Variants in FGD6 observed in about 807,000 individuals in gnomAD.
FGD6 encodes FYVE, RhoGEF and PH domain containing 6.
Under a neutral mutation model 149.4 loss-of-function variants are expected in FGD6, and 90 were observed. The ratio of observed to expected loss-of-function variants is 0.60; its 90% CI spans 0.51 to 0.72. FGD6 has a LOEUF of 0.72. Ranked by LOEUF, FGD6 falls within the 30% of genes least tolerant of loss-of-function variation. The pLI is 0.00. For missense variants in FGD6, 1,437 were observed against 1,684.8 expected (o/e 0.85, Z 2.57); for synonymous variants, 527 against 584.0 (o/e 0.90, Z 1.41).
intron 3 of FGD6, among the ~76,000 whole-genome samples, chr12:95,161,569 T>C (rs965067458): frequency 2.0e-5 from 3 of 152,202 alleles, no homozygotes; most frequent in Non-Finnish European, 4.4e-5. Flanking sequence ...TCCAGGCTTG[T>C]AGTCCTCAAA....
intron 13 of FGD6, among the ~76,000 whole-genome samples, chr12:95,106,529 C>T (rs962800154): frequency 4.6e-5 from 7 of 151,898 alleles, no homozygotes; most frequent in African/African-American, 9.7e-5. Context: ...TGTGATCCAC[C>T]GGCCTCAGCC....
At position 95,102,033 on chromosome 12, in the gene FGD6, G is replaced by A. The variant is rs183890824; in HGVS notation, c.3497+2974C>T. ...CCTCTATCCCTCAAAAACGAAAAAA[G>A]GGCTGAACACAATCCTGCCTGTAGC... On this transcript the variant is annotated intron_variant, in intron 14 of 20. Transcript: ENST00000343958. Among the ~76,000 whole-genome samples the A allele has an allele frequency of 4.5e-3, 665 of 148,176 alleles. 3 individuals carry two copies. Among genetic ancestry groups the A allele is most frequent in the Non-Finnish European group, 7.3e-3 (493 of 67,374 alleles).
chr12:95,145,203 G>T (rs1398790584), intron 5 of FGD6, among the ~76,000 whole-genome samples: 4 of 151,980 alleles, frequency 2.6e-5, no homozygotes, highest in Non-Finnish European at 5.9e-5. Context: ...TGGCCAGACT[G>T]GTTTTGAACT....
intron 19 of FGD6, 160 bp downstream of exon 19, chr12:95,085,620 G>A (rs956023281): frequency 9.6e-6 from 7 of 727,164 alleles, no homozygotes; most frequent in African/African-American, 7.3e-5. Context: ...TACAAAGCAA[G>A]AACACTGTTC....
At chr12:95,195,103 G>C (rs1881703852) in intron 2 of FGD6, among the ~76,000 whole-genome samples, 1 of 152,066 alleles carries the variant, frequency 6.6e-6, no homozygotes, top group Non-Finnish European at 1.5e-5. Context: ...TTCTATAAAA[G>C]TAAAATCTAT....
chr12:95,176,930 C>T (rs1467953770), intron 2 of FGD6, among the ~76,000 whole-genome samples: 2 of 152,126 alleles, frequency 1.3e-5, no homozygotes, highest in Non-Finnish European at 2.9e-5. Context: ...CTAGTTCAAG[C>T]GATTCTCCCA....
intron 19 of FGD6, chr12:95,085,445 C>T: frequency 7.5e-6 from 2 of 265,094 alleles, no homozygotes; most frequent in South Asian, 1.1e-4. Flanking sequence ...TCAGGTGATC[C>T]ACCCCCACTC....
intron 20 of FGD6, 77 bp from the exon 21 acceptor site, chr12:95,081,633 G>T: frequency 1.1e-6 from 1 of 919,580 alleles, no homozygotes; most frequent in Non-Finnish European, 1.7e-6. Context: ...TGACAGCTGG[G>T]CCTGTGGTCC....
intron 2 of FGD6, among the ~76,000 whole-genome samples, chr12:95,185,686 C>A (rs1303693849): frequency 6.6e-6 from 1 of 152,070 alleles, no homozygotes; most frequent in Non-Finnish European, 1.5e-5. Flanking sequence ...CATGGCGAAA[C>A]CTCGTCTCTT....
intron 2 of FGD6, among the ~76,000 whole-genome samples, chr12:95,192,092 T>C (rs576151212): frequency 3.0e-4 from 45 of 152,348 alleles, no homozygotes; most frequent in African/African-American, 9.6e-4. Flanking sequence ...GCTACACAAA[T>C]AGTTGTTATA....
At chr12:95,163,646 A>G (rs116822578) in intron 3 of FGD6, among the ~76,000 whole-genome samples, 2,899 of 152,328 alleles carry the variant, frequency 0.019, 92 homozygotes, top group African/African-American at 0.067. Flanking sequence ...GATGTGTTGC[A>G]TAACACAAAA....
chr12:95,178,913 A>C (rs1881205195), intron 2 of FGD6, among the ~76,000 whole-genome samples: 1 of 152,200 alleles, frequency 6.6e-6, no homozygotes, highest in Non-Finnish European at 1.5e-5. Flanking sequence ...TAAGTTTTAG[A>C]GGTTTTAACA....
chr12:95,086,533 TTTC>T (rs1877869278), intron 18 of FGD6, among the ~76,000 whole-genome samples: 3 of 149,616 alleles, frequency 2.0e-5, no homozygotes, highest in East Asian at 1.9e-4. Flanking sequence ...TGATTTTTTT[TTTC>T]TTTTTTTTTT....
intron 2 of FGD6, chr12:95,189,477 T>C (rs2136292884): frequency 6.6e-6 from 1 of 152,166 alleles, no homozygotes; most frequent in Admixed American, 6.5e-5. Context: ...TGAAGCCCCA[T>C]CTCTGCAAAC....
At chr12:95,140,416 A>G (rs113321785) in intron 6 of FGD6, among the ~76,000 whole-genome samples, 29,387 of 152,128 alleles carry the variant, frequency 0.19, 3,065 homozygotes, top group Non-Finnish European at 0.21. Context: ...CAGGAGTTAG[A>G]GACCAGCCTG....
At chr12:95,194,557 A>G (rs1353996688) in intron 2 of FGD6, among the ~76,000 whole-genome samples, 1 of 149,718 alleles carries the variant, frequency 6.7e-6, no homozygotes, top group Non-Finnish European at 1.5e-5. Context: ...TTTAAACAAC[A>G]AAACAATCTG....
At chr12:95,206,819 G>C (rs1347602201) in intron 2 of FGD6, among the ~76,000 whole-genome samples, 1 of 152,108 alleles carries the variant, frequency 6.6e-6, no homozygotes, top group East Asian at 1.9e-4. Context: ...AGAAAAATTA[G>C]ACAAGGGAGG....
chr12:95,129,283 GCATC>G (rs1425504639), intron 8 of FGD6, among the ~76,000 whole-genome samples: 6 of 88,128 alleles, frequency 6.8e-5, no homozygotes, highest in Non-Finnish European at 1.5e-4. Flanking sequence ...ATGCATCTAT[GCATC>G]CATGCATCCA....
At chr12:95,129,982 T>C (rs7974889) in intron 8 of FGD6, among the ~76,000 whole-genome samples, 133,682 of 152,228 alleles carry the variant, frequency 0.88, 59,066 homozygotes, top group African/African-American at 0.97. Context: ...CCAAAATTTA[T>C]AAATATTTAG....
Sources: gnomAD v4.1 joint callset for allele counts (sites outside exome capture counted in the v4.1 genomes callset) on GRCh38, gnomAD v4.1.1 for gene constraint, MANE v1.5 for transcripts, NCBI Gene and HGNC (gene_info 2026-07-23, HGNC 2026-07-21) for gene names.